The following AGBL4 variants were observed in gnomAD, a reference collection of about 807,000 sequenced individuals.
The protein encoded by AGBL4 is AGBL carboxypeptidase 4, also known as cytosolic carboxypeptidase 6.
A neutral mutation model predicts 66.4 loss-of-function variants in AGBL4; 58 were observed. The ratio of observed to expected loss-of-function variants is 0.87; its 90% CI spans 0.71 to 1.09. The LOEUF is 1.09. AGBL4 is among the 50% of genes least tolerant of loss of function. The pLI, the probability that AGBL4 is intolerant of heterozygous loss-of-function variation, is 0.00. For missense variants in AGBL4, 579 were observed against 631.0 expected (o/e 0.92, Z 0.88); for synonymous variants, 234 against 222.9 (o/e 1.05, Z -0.44).
chr1:50,019,961 T>C (rs147297346), intron 1 of AGBL4, among the ~76,000 whole-genome samples: 1 of 152,180 alleles, frequency 6.6e-6, no homozygotes, highest in Non-Finnish European at 1.5e-5. Flanking sequence ...CTTCCTTTTA[T>C]AAATCTGACC....
chr1:49,100,585 C>T (rs928048863), intron 4 of AGBL4, among the ~76,000 whole-genome samples: 9 of 152,076 alleles, frequency 5.9e-5, no homozygotes, highest in Non-Finnish European at 1.0e-4. Context: ...GAACATATGT[C>T]GGGGTAGAAG....
chr1:49,151,686 T>A (rs1374544515), intron 4 of AGBL4, among the ~76,000 whole-genome samples: 2 of 151,998 alleles, frequency 1.3e-5, no homozygotes, highest in Non-Finnish European at 2.9e-5. Flanking sequence ...GGGTCTATAA[T>A]CAAATAACTT....
chr1:49,004,534 A>C (rs1340154286), intron 5 of AGBL4, among the ~76,000 whole-genome samples: 2 of 152,208 alleles, frequency 1.3e-5, no homozygotes, highest in African/African-American at 4.8e-5. Flanking sequence ...CATCTCATCT[A>C]TACCAAGCTC....
chr1:48,563,505 G>C (rs1046480101), intron 11 of AGBL4, among the ~76,000 whole-genome samples: 6 of 151,936 alleles, frequency 3.9e-5, no homozygotes, highest in African/African-American at 1.5e-4. Flanking sequence ...GGAGTGAGGG[G>C]GTCTGAGAGA....
At chr1:49,396,663 A>T (rs1644981813) in intron 3 of AGBL4, among the ~76,000 whole-genome samples, 1 of 152,220 alleles carries the variant, frequency 6.6e-6, no homozygotes. Context: ...TGTGTGAAAA[A>T]AGCAGAATAT....
At chr1:49,370,929 G>A (rs189188039) in intron 3 of AGBL4, among the ~76,000 whole-genome samples, 55 of 152,078 alleles carry the variant, frequency 3.6e-4, no homozygotes, top group Non-Finnish European at 4.9e-4. Flanking sequence ...AATGTGGGTG[G>A]GCCTCATCCA....
At chr1:49,646,787 C>A (rs761245580) in intron 3 of AGBL4, among the ~76,000 whole-genome samples, 6 of 151,816 alleles carry the variant, frequency 4.0e-5, no homozygotes, top group Non-Finnish European at 7.4e-5. Flanking sequence ...TACAGTCCTA[C>A]AATATTCAAA....
chr1:49,387,297 C>T (rs1449319189), intron 3 of AGBL4, among the ~76,000 whole-genome samples: 2 of 151,940 alleles, frequency 1.3e-5, no homozygotes. Flanking sequence ...CATTACACCA[C>T]TCCCCTTTTT....
intron 5 of AGBL4, among the ~76,000 whole-genome samples, chr1:49,012,169 C>T (rs1391078835): frequency 1.3e-5 from 2 of 151,994 alleles, no homozygotes; most frequent in Non-Finnish European, 2.9e-5. Context: ...TGTGTGGAGG[C>T]CGTTCAGAGT....
At chr1:49,272,593 T>A (rs1474645508) in intron 3 of AGBL4, among the ~76,000 whole-genome samples, 3 of 152,182 alleles carry the variant, frequency 2.0e-5, no homozygotes, top group Non-Finnish European at 4.4e-5. Flanking sequence ...CTGTTTTCTC[T>A]AAATCTCAGT....
chr1:49,006,870 C>T (rs1360052605), intron 5 of AGBL4, among the ~76,000 whole-genome samples: 1 of 142,022 alleles, frequency 7.0e-6, no homozygotes, highest in African/African-American at 2.6e-5. Context: ...ACCAAAAACC[C>T]ATCTGTACAT....
chr1:49,129,920 C>A (rs916545798), intron 4 of AGBL4, among the ~76,000 whole-genome samples: 95 of 152,204 alleles, frequency 6.2e-4, no homozygotes, highest in East Asian at 2.5e-3. Flanking sequence ...ACTAGTTTAC[C>A]GTGCCACCAA....
intron 3 of AGBL4, among the ~76,000 whole-genome samples, chr1:49,643,878 A>G (rs1391813024): frequency 6.6e-6 from 1 of 151,742 alleles, no homozygotes. Context: ...GTCCGAATCT[A>G]AACAAAACAA....
At chr1:49,517,260 A>G (rs1470265143) in intron 3 of AGBL4, among the ~76,000 whole-genome samples, 1 of 151,710 alleles carries the variant, frequency 6.6e-6, no homozygotes, top group Non-Finnish European at 1.5e-5. Context: ...TCTTAAAGGA[A>G]AACATACTCC....
At chr1:48,713,513 T>C (rs113573636) in intron 6 of AGBL4, among the ~76,000 whole-genome samples, 46 of 152,182 alleles carry the variant, frequency 3.0e-4, no homozygotes, top group African/African-American at 8.9e-4. Context: ...TTAGGGCCCA[T>C]TGGGGTCACA....
intron 3 of AGBL4, among the ~76,000 whole-genome samples, chr1:49,369,367 T>C (rs192248477): frequency 3.3e-5 from 5 of 152,274 alleles, no homozygotes; most frequent in Non-Finnish European, 2.9e-5. Context: ...GGCCAAACAG[T>C]GTAACAGGGA....
At chr1:49,177,460 C>G (rs1293026046) in intron 4 of AGBL4, among the ~76,000 whole-genome samples, 1 of 152,140 alleles carries the variant, frequency 6.6e-6, no homozygotes, top group African/African-American at 2.4e-5. Flanking sequence ...TCATGGTGAT[C>G]CTCCACAAAT....
chr1:49,933,742 G>A (rs1036936235), intron 1 of AGBL4, among the ~76,000 whole-genome samples: 4 of 151,902 alleles, frequency 2.6e-5, no homozygotes, highest in African/African-American at 4.8e-5. Context: ...ATATTTTATA[G>A]ACACCTAATG....
At chr1:48,617,193 G>C (rs1449586990) in intron 9 of AGBL4, among the ~76,000 whole-genome samples, 1 of 152,148 alleles carries the variant, frequency 6.6e-6, no homozygotes, top group Non-Finnish European at 1.5e-5. Context: ...TTTTATGACT[G>C]TGACAACACT....
Sources: gnomAD v4.1 joint callset for allele counts (sites outside exome capture counted in the v4.1 genomes callset) on GRCh38, gnomAD v4.1.1 for gene constraint, MANE v1.5 for transcripts, NCBI Gene and HGNC (gene_info 2026-07-23, HGNC 2026-07-21) for gene names.